RGS7: variants seen among roughly 807,000 people sequenced by gnomAD.
RGS7 encodes regulator of G protein signaling 7, also known as regulator of G-protein signaling 7.
RGS7 carries 27 observed loss-of-function variants against 81.1 expected under a neutral mutation model. That is an observed-to-expected ratio of 0.33 (90% CI 0.25 to 0.46). The LOEUF (loss-of-function observed/expected upper bound fraction) is 0.46. Among genes scored for constraint, RGS7 ranks in the 20% least tolerant of loss-of-function variants. The pLI, the probability that RGS7 is intolerant of heterozygous loss-of-function variation, is 1.00. For synonymous variants in RGS7, 208 were observed against 207.7 expected, an observed-to-expected ratio of 1.00 and a Z score of -0.01; for missense variants, 396 against 607.4, an observed-to-expected ratio of 0.65 and a Z score of 3.66.
At chr1:241,117,983 T>C (rs942659040) in intron 2 of RGS7, among the ~76,000 whole-genome samples, 1 of 152,164 alleles carries the variant, frequency 6.6e-6, no homozygotes, top group Admixed American at 6.6e-5. Context: ...AATAAACATT[T>C]TTCATCATGA....
intron 3 of RGS7, among the ~76,000 whole-genome samples, chr1:241,070,764 C>G (rs867003823): frequency 1.7e-5 from 2 of 118,676 alleles, no homozygotes; most frequent in African/African-American, 6.4e-5. Context: ...AACAGCCCAA[C>G]AGAAGGCCAC....
Position 240,784,348 on chromosome 1 carries a change from A to AT in RGS7, c.*7-8136dup, listed in dbSNP as rs1278336087. ...GTAGAAAGTTATCAACATCTTTTAG[A>AT]TTTTTTTTGAGGCCGGGTACGATGT... On this transcript the variant is annotated intron_variant, in intron 18 of 18. Coordinates refer to ENST00000440928, the MANE Select transcript of RGS7 (RefSeq NM_001364886.1). Among the ~76,000 whole-genome samples the AT allele has an allele frequency of 3.3e-5, 5 of 151,930 alleles. No individual in the cohort carries two copies. The East Asian group carries it at 7.8e-4, about 24-fold the overall frequency.
At chr1:241,148,733 A>G (rs1004893280) in intron 2 of RGS7, among the ~76,000 whole-genome samples, 10 of 152,278 alleles carry the variant, frequency 6.6e-5, no homozygotes, top group African/African-American at 2.4e-4. Flanking sequence ...GTGAAAATGC[A>G]TATACATTCT....
chr1:240,945,226 T>C (rs1190467912), intron 4 of RGS7, among the ~76,000 whole-genome samples: 3 of 152,214 alleles, frequency 2.0e-5, no homozygotes, highest in Non-Finnish European at 4.4e-5. Flanking sequence ...CCCAATACTC[T>C]AACACGAAAG....
intron 2 of RGS7, among the ~76,000 whole-genome samples, chr1:241,157,849 C>T (rs1243603129): frequency 1.5e-5 from 2 of 134,870 alleles, no homozygotes; most frequent in Non-Finnish European, 1.5e-5. Context: ...TACTGAGTCT[C>T]GCTCTGTTGC....
intron 4 of RGS7, among the ~76,000 whole-genome samples, chr1:240,981,011 T>C (rs927929900): frequency 1.4e-4 from 22 of 152,222 alleles, no homozygotes; most frequent in Admixed American, 9.8e-4. Flanking sequence ...TACCTGTAAA[T>C]TATAAACAAT....
chr1:240,866,472 C>T (rs1384050745), intron 9 of RGS7, among the ~76,000 whole-genome samples: 1 of 150,674 alleles, frequency 6.6e-6, no homozygotes, highest in Non-Finnish European at 1.5e-5. Context: ...GATTGAGCCA[C>T]TGCACTCCAG....
intron 2 of RGS7, among the ~76,000 whole-genome samples, chr1:241,203,228 G>A (rs544066062): frequency 6.6e-6 from 1 of 151,946 alleles, no homozygotes; most frequent in Admixed American, 6.6e-5. Context: ...CTTGAGTTCT[G>A]CTTCTTTTTT....
intron 18 of RGS7, among the ~76,000 whole-genome samples, chr1:240,786,278 A>C (rs1488603380): frequency 6.6e-6 from 1 of 152,160 alleles, no homozygotes; most frequent in African/African-American, 2.4e-5. Context: ...ATACATGTTT[A>C]AAATTTTTTT....
Position 240,868,799 on chromosome 1 carries a change from G to T in RGS7, c.504C>A (p.Phe168Leu), listed in dbSNP as rs1350419532. The stretch of plus-strand genomic sequence containing the variant: ...ACTTTGCTTGTGCTTCTGCTTGCAT[G>T]AAAATGAACTCCCACTTCCGGGCAA... ...RAFARKWEFI[F>L]MQAEAQAKVD... Residue 168 changes from phenylalanine (F) to leucine (L), a missense_variant, in exon 8 of 19, where the codon TTC becomes TTA. By Grantham distance (22) the Phe-to-Leu change is conservative (BLOSUM62 0). Coordinates refer to ENST00000440928, the MANE Select transcript of RGS7 (RefSeq NM_001364886.1). The surrounding 1 kb of genome is among the most constrained non-coding windows in gnomAD (Gnocchi z 5.1). 6.2e-7 allele frequency: 1 copy of T among 1,613,974 alleles called. No homozygotes were observed. Among genetic ancestry groups the T allele is most frequent in the Non-Finnish European group, 8.5e-7 (1 of 1,180,010 alleles).
chr1:240,846,244 T>A (rs115616270), intron 9 of RGS7, among the ~76,000 whole-genome samples: 2,078 of 152,286 alleles, frequency 0.014, 42 homozygotes, highest in African/African-American at 0.047. Context: ...AGTACTTTCA[T>A]GTTCATCTCA....
chr1:241,296,175 G>T (rs2148476684), intron 2 of RGS7, among the ~76,000 whole-genome samples: 1 of 152,154 alleles, frequency 6.6e-6, no homozygotes, highest in African/African-American at 2.4e-5. Context: ...AGCAGGAGAG[G>T]GAGGAGGAGG....
intron 3 of RGS7, among the ~76,000 whole-genome samples, chr1:240,989,269 C>T (rs1356113820): frequency 1.3e-4 from 20 of 149,922 alleles, no homozygotes; most frequent in Admixed American, 1.3e-3. Context: ...GACACCCTGT[C>T]TCTACTAAAA....
At chr1:241,301,210 A>G (rs2079733788) in intron 2 of RGS7, among the ~76,000 whole-genome samples, 1 of 152,234 alleles carries the variant, frequency 6.6e-6, no homozygotes, top group South Asian at 2.1e-4. Context: ...TTCCTGGGTC[A>G]CTGAAATAGC....
intron 6 of RGS7, among the ~76,000 whole-genome samples, chr1:240,893,676 A>G (rs550390004): frequency 6.6e-6 from 1 of 152,102 alleles, no homozygotes; most frequent in Non-Finnish European, 1.5e-5. Flanking sequence ...AACAACCTAA[A>G]AAGTTCTGTG....
chr1:241,210,023 G>T (rs1286261798), intron 2 of RGS7, among the ~76,000 whole-genome samples: 4 of 152,238 alleles, frequency 2.6e-5, no homozygotes, highest in African/African-American at 9.6e-5. Context: ...TGATCTTAGA[G>T]AATAGGGTCC....
At chr1:240,987,447 G>GTGCTGACA (rs1010396588) in intron 3 of RGS7, among the ~76,000 whole-genome samples, 3 of 151,946 alleles carry the variant, frequency 2.0e-5, no homozygotes, top group African/African-American at 7.3e-5. Context: ...CATAGACACA[G>GTGCTGACA]TGCTGACAAT....
At chr1:241,297,510 G>A (rs2079497708) in intron 2 of RGS7, among the ~76,000 whole-genome samples, 1 of 152,204 alleles carries the variant, frequency 6.6e-6, no homozygotes, top group Admixed American at 6.5e-5. Context: ...TAAGCTCTGT[G>A]ATCCTACAAA....
At chr1:240,915,416 C>T (rs1672439204) in intron 6 of RGS7, among the ~76,000 whole-genome samples, 1 of 152,118 alleles carries the variant, frequency 6.6e-6, no homozygotes, top group South Asian at 2.1e-4. Context: ...CTGCACCTTA[C>T]CACAATACCA....
Sources: allele counts gnomAD v4.1 joint callset (sites outside exome capture counted in the v4.1 genomes callset), GRCh38; gene constraint gnomAD v4.1.1; non-coding constraint Gnocchi (gnomAD v3.1); transcripts MANE v1.5; gene names NCBI Gene and HGNC (gene_info 2026-07-23, HGNC 2026-07-21).